The following MYO7B variants were observed in gnomAD, a reference collection of about 807,000 sequenced individuals.
MYO7B encodes unconventional myosin-VIIb.
MYO7B carries 212 observed loss-of-function variants against 259.7 expected under a neutral mutation model. The observed-to-expected ratio is 0.82, with a 90% CI of 0.73 to 0.91. MYO7B has a LOEUF of 0.91. Among genes scored for constraint, MYO7B ranks in the 40% least tolerant of loss-of-function variants. The pLI is 0.00. For missense variants in MYO7B, 2,732 were observed against 2,813.5 expected (o/e 0.97, Z 0.66); for synonymous variants, 1,197 against 1,166.4 (o/e 1.03, Z -0.54).
At chr2:127,621,887 C>G in intron 27 of MYO7B, 95 bp from the exon 28 acceptor site, 5 of 1,507,486 alleles carry the variant, frequency 3.3e-6, no homozygotes, top group Non-Finnish European at 4.5e-6. Flanking sequence ...ACATTATACA[C>G]TGAGTATTAT....
intron 1 of MYO7B, among the ~76,000 whole-genome samples, chr2:127,545,498 ACT>A (rs1693192658): frequency 6.6e-6 from 1 of 152,136 alleles, no homozygotes; most frequent in African/African-American, 2.4e-5. Flanking sequence ...AGCAGCCTCA[ACT>A]CTCTGAGAGA....
chr2:127,608,888 G>T lies in MYO7B; in HGVS notation c.2814+10G>T. 6 of 1,609,180 alleles carry T rather than the reference G, an allele frequency of 3.7e-6. No individual in the cohort carries two copies. The highest frequency in any genetic ancestry group is 5.1e-6 in the Non-Finnish European group (6 of 1,177,348). On this transcript the variant is annotated intron_variant, in intron 22 of 47. Transcript: ENST00000409816. ...CTCGCCGCACTTTGAGGTAACACAA[G>T]CCTGGTGTCCACAATCCGCCCCGGG...
At chr2:127,618,336 T>C (rs779019696) in intron 26 of MYO7B, among the ~76,000 whole-genome samples, 5 of 152,198 alleles carry the variant, frequency 3.3e-5, no homozygotes, top group African/African-American at 9.6e-5. Context: ...AAGGGCTCCC[T>C]ACTCCTAGTA....
Position 127,609,587 on chromosome 2 carries a change from G to T in MYO7B, c.2896G>T (p.Asp966Tyr). 6.2e-7 allele frequency: 1 copy of T among 1,614,006 alleles called. No individual in the cohort carries two copies. Among genetic ancestry groups the T allele is most frequent in the Non-Finnish European group, 8.5e-7 (1 of 1,179,890 alleles). Residue 966 changes from aspartate to tyrosine, a missense_variant, in exon 23 of 48, where the codon GAT (aspartate) becomes TAT (tyrosine). This residue lies in a region of MYO7B where 1,906 missense variants were observed against 2,026.4 expected (regional missense o/e 0.94). Coordinates refer to ENST00000409816, the MANE Select transcript of MYO7B (RefSeq NM_001393586.1). This position sits in a 1 kb window ranked among gnomAD's most constrained non-coding sequence, Gnocchi z 6.9. ...PMAEEPEEDVDGLAEYTFPKF... is the reference protein window; with the variant it reads ...PMAEEPEEDVYGLAEYTFPKF... Reference sequence around the variant, plus strand: ...GGCGGAGGAGCCTGAGGAGGATGTGGATGGCCTGGCCGAGTACACCTTCCC... The same window carrying T: ...GGCGGAGGAGCCTGAGGAGGATGTGTATGGCCTGGCCGAGTACACCTTCCC...
At chr2:127,621,435 A>G (rs965275669) in intron 27 of MYO7B, among the ~76,000 whole-genome samples, 11 of 152,028 alleles carry the variant, frequency 7.2e-5, no homozygotes, top group South Asian at 2.1e-4. Flanking sequence ...TAATTTTTGT[A>G]TTTTTAGTAG....
chr2:127,615,674 G>A lies in MYO7B; in HGVS notation c.3398+3071G>A, dbSNP rs753405502. 6.6e-6 allele frequency among the ~76,000 whole-genome samples: 1 copy of A among 151,896 alleles called. No homozygotes were observed. Among genetic ancestry groups the A allele is most frequent in the South Asian group, 2.1e-4 (1 of 4,810 alleles). ...GGGCGGTAGACGCGGTTTGTCAGTTGGCCAACATTCTGCTTTTATGAGAAC... is the reference window on the plus strand; with the variant it reads ...GGGCGGTAGACGCGGTTTGTCAGTTAGCCAACATTCTGCTTTTATGAGAAC... On this transcript the variant is annotated intron_variant, in intron 26 of 47. Coordinates refer to ENST00000409816, the MANE Select transcript of MYO7B (RefSeq NM_001393586.1). This position sits in a 1 kb window ranked among gnomAD's most constrained non-coding sequence, Gnocchi z 4.4.
At chr2:127,549,948 C>G (rs774400653) in intron 1 of MYO7B, among the ~76,000 whole-genome samples, 1 of 152,192 alleles carries the variant, frequency 6.6e-6, no homozygotes, top group Non-Finnish European at 1.5e-5. Flanking sequence ...TTGTCTCCTT[C>G]CCTCCACATC....
chr2:127,623,787 G>A (rs954533721), intron 29 of MYO7B, among the ~76,000 whole-genome samples: 16 of 152,066 alleles, frequency 1.1e-4, no homozygotes, highest in African/African-American at 3.9e-4. Flanking sequence ...CCAATTCCAC[G>A]CCCACACCCT....
rs555382479 is a variant in MYO7B, at chr2:127,614,114, C to A, written c.3398+1511C>A. 2.6e-5 allele frequency among the ~76,000 whole-genome samples: 4 copies of A among 152,220 alleles called. No homozygotes were observed. The East Asian group carries it at 7.7e-4, about 29-fold the overall frequency. ...GGTTAATCCTCACTGGCCACCACAC[C>A]ACACCCTCCAATATGGCAGACACAT... On this transcript the variant is annotated intron_variant, in intron 26 of 47. Transcript: ENST00000409816. The surrounding 1 kb of genome is among the most constrained non-coding windows in gnomAD (Gnocchi z 4.6).
chr2:127,558,869 A>G (rs1166588933), intron 1 of MYO7B, among the ~76,000 whole-genome samples: 2 of 152,120 alleles, frequency 1.3e-5, no homozygotes, highest in Non-Finnish European at 2.9e-5. Context: ...AGAATGATAC[A>G]ATGGACTTTG....
Position 127,624,285 on chromosome 2 carries a change from C to A in MYO7B, c.4012C>A (p.Arg1338=). The change falls in exon 30 of 48, where the codon CGA becomes AGA. Residue 1338 remains arginine, a synonymous_variant. Transcript: ENST00000409816. ...CGAGCTTATTTACCGCCAAGTCCTC[C>A]GAGGAGTCTGGTCTGGCGAGTACAG... ...STELIYRQVL[R]GVWSGEYSFE... 6.3e-7 allele frequency: 1 copy of A among 1,586,284 alleles called. No homozygotes were observed. The highest frequency in any genetic ancestry group is 2.3e-5 in the East Asian group (1 of 43,260).
rs2105108709 is a variant in MYO7B, at chr2:127,627,501, C to T, written c.4460+191C>T. The T allele has an allele frequency of 1.3e-6, 1 of 797,320 alleles. No individual in the cohort carries two copies. 49.4% of individuals were successfully genotyped at this position (797,320 alleles called of 1,614,324 possible). ...CCCTCCTGCACCAGGCCGTACTGCC[C>T]ATGAAGTACTCCATTGGGGCATCAC... On this transcript the variant is annotated intron_variant, in intron 33 of 47. Transcript: ENST00000409816. This position sits in a 1 kb window ranked among gnomAD's most constrained non-coding sequence, Gnocchi z 5.6.
At chr2:127,578,058 T>G in intron 8 of MYO7B, 75 bp from the exon 9 acceptor site, 1 of 1,574,326 alleles carries the variant, frequency 6.4e-7, no homozygotes, top group African/African-American at 1.3e-5. Context: ...GTGCAGTGTC[T>G]CAGCCTTGCT....
chr2:127,578,027 G>T, intron 8 of MYO7B, 106 bp from the exon 9 acceptor site: 1 of 1,349,598 alleles, frequency 7.4e-7, no homozygotes, highest in East Asian at 2.4e-5. Flanking sequence ...GACCCTACGT[G>T]GTCCACCCAT....
chr2:127,635,053 T>TG (rs1011699049), intron 42 of MYO7B, 67 bp from the exon 43 acceptor site: 1 of 1,282,856 alleles, frequency 7.8e-7, no homozygotes, highest in Non-Finnish European at 1.1e-6. Context: ...GTGTGGGGGG[T>TG]GGCAGGGGGT....
Position 127,608,885 on chromosome 2 carries a change from CA to C in MYO7B, c.2814+9del. On this transcript the variant is annotated splice_region_variant and intron_variant, in intron 22 of 47. Coordinates refer to ENST00000409816, the MANE Select transcript of MYO7B (RefSeq NM_001393586.1). ...GGCCTCGCCGCACTTTGAGGTAACA[CA>C]AGCCTGGTGTCCACAATCCGCCCCG... is the stretch of plus-strand genomic sequence containing the variant. 6.2e-7 allele frequency: 1 copy of C among 1,610,340 alleles called. No individual in the cohort carries two copies. Among genetic ancestry groups the C allele is most frequent in the Non-Finnish European group, 8.5e-7 (1 of 1,178,348 alleles).
rs1298712518 is a variant in MYO7B, at chr2:127,627,185, C to T, written c.4335C>T (p.Gly1445=). ...SRLFEVITLS[G]PRLPKTQLIL... ...CACACTGCCGTCTCTCCTGGCCAGG[C>T]CCCCGCCTGCCCAAGACGCAGCTGA... Residue 1445 remains glycine (G), a splice_region_variant and synonymous_variant, in exon 33 of 48, where the codon GGC becomes GGT. Transcript: ENST00000409816. This position sits in a 1 kb window ranked among gnomAD's most constrained non-coding sequence, Gnocchi z 5.6. 1.2e-6 allele frequency: 2 copies of T among 1,607,370 alleles called. No individual in the cohort carries two copies. The highest frequency in any genetic ancestry group is 1.1e-5 in the South Asian group (1 of 90,078).
In MYO7B at chr2:127,539,147, C is replaced by A. The variant is rs1186869956; in HGVS notation, c.-24+3316C>A. ...TGTATCTGTCAATTTCTCTTTCATC[C>A]CTTGCCTGCCTTATTCAAATACTAA... On this transcript the variant is annotated intron_variant, in intron 1 of 47. Coordinates refer to ENST00000409816, the MANE Select transcript of MYO7B (RefSeq NM_001393586.1). This position sits in a 1 kb window ranked among gnomAD's most constrained non-coding sequence, Gnocchi z 4.0. Among the ~76,000 whole-genome samples the A allele has an allele frequency of 1.3e-5, 2 of 152,142 alleles. No homozygotes were observed. Among genetic ancestry groups the A allele is most frequent in the African/African-American group, 2.4e-5 (1 of 41,422 alleles).
At chr2:127,537,281 A>C (rs797008293) in intron 1 of MYO7B, among the ~76,000 whole-genome samples, 4 of 152,202 alleles carry the variant, frequency 2.6e-5, no homozygotes, top group African/African-American at 7.2e-5. Context: ...GGCTCCAGCT[A>C]TTGTCTCTCT....
Sources: gnomAD v4.1 joint callset for allele counts (sites outside exome capture counted in the v4.1 genomes callset) on GRCh38, gnomAD v4.1.1 for gene constraint, gnomAD v4.1.1 regional missense constraint, Gnocchi (gnomAD v3.1) non-coding constraint, MANE v1.5 for transcripts, NCBI Gene and HGNC (gene_info 2026-07-23, HGNC 2026-07-21) for gene names.